COL23A1: variants seen among roughly 807,000 people sequenced by gnomAD.
COL23A1 encodes collagen alpha-1(XXIII) chain.
Under a neutral mutation model 99.3 loss-of-function variants are expected in COL23A1, and 97 were observed. The observed-to-expected ratio is 0.98, with a 90% CI of 0.83 to 1.16. COL23A1 has a LOEUF of 1.16. Ranked by LOEUF, COL23A1 falls within the 50% of genes most tolerant of loss-of-function variation. COL23A1 has a pLI of 0.00. For missense variants in COL23A1, 762 were observed against 757.4 expected, an observed-to-expected ratio of 1.01 and a Z score of -0.07; for synonymous variants, 320 against 308.2, an observed-to-expected ratio of 1.04 and a Z score of -0.40.
chr5:178,556,625 T>TTAAAATAAAATAAAATAAAATAAAA (rs374978162), intron 2 of COL23A1, among the ~76,000 whole-genome samples: 1,865 of 124,506 alleles, frequency 0.015, 58 homozygotes, highest in Admixed American at 0.042. Flanking sequence ...CTCTGTCAAA[T>TTAAAATAAAATAAAATAAAATAAAA]TAAAATAAAA....
chr5:178,555,358 T>C (rs1363321990), intron 2 of COL23A1, among the ~76,000 whole-genome samples: 1 of 152,162 alleles, frequency 6.6e-6, no homozygotes, highest in East Asian at 1.9e-4. Context: ...TCTGAGACTT[T>C]CGGGAAAGAA....
At position 178,415,791 on chromosome 5, in the gene COL23A1, C is replaced by T. The variant is rs539410748; in HGVS notation, c.362-108872G>A. On this transcript the variant is annotated intron_variant, in intron 2 of 28. Coordinates refer to ENST00000390654, the MANE Select transcript of COL23A1 (RefSeq NM_173465.4). This position sits in a 1 kb window ranked among gnomAD's most constrained non-coding sequence, Gnocchi z 4.6. ...AGCTCCCAGCCTAGCGGGAGGTAGA[C>T]AGGCAAACAAGAAAGACTGAAAACT... Among the ~76,000 whole-genome samples, 1 of 152,204 alleles carries T rather than the reference C, an allele frequency of 6.6e-6. No individual in the cohort carries two copies. Among genetic ancestry groups the T allele is most frequent in the East Asian group, 1.9e-4 (1 of 5,164 alleles).
intron 2 of COL23A1, among the ~76,000 whole-genome samples, chr5:178,406,471 C>T (rs1406663980): frequency 6.7e-6 from 1 of 148,192 alleles, no homozygotes; most frequent in Non-Finnish European, 1.5e-5. Context: ...GCTCTGTCAT[C>T]CAGGCTGGAG....
At chr5:178,565,646 T>G (rs1212619203) in intron 1 of COL23A1, among the ~76,000 whole-genome samples, 1 of 152,150 alleles carries the variant, frequency 6.6e-6, no homozygotes, top group Non-Finnish European at 1.5e-5. Context: ...ATCTTATCTA[T>G]TCCTCCTGAT....
At chr5:178,532,385 G>C (rs78239583) in intron 2 of COL23A1, among the ~76,000 whole-genome samples, 3 of 152,106 alleles carry the variant, frequency 2.0e-5, no homozygotes, top group Non-Finnish European at 4.4e-5. Context: ...AACTGTCCTC[G>C]GACCAAATGC....
chr5:178,271,607 C>T lies in COL23A1; in HGVS notation c.442-1244G>A, dbSNP rs560183252. 9.8e-5 allele frequency among the ~76,000 whole-genome samples: 15 copies of T among 152,318 alleles called. No individual in the cohort carries two copies. In the South Asian group the frequency reaches 3.1e-3, roughly 32 times the overall value. The stretch of plus-strand genomic sequence containing the variant: ...CTGTGCCTCTGGTATTGGATGGGGC[C>T]TGGCAGGCAGCATGTGCCCAGAAAA... On this transcript the variant is annotated intron_variant, in intron 5 of 28. Transcript: ENST00000390654.
At chr5:178,460,654 C>A (rs577778513) in intron 2 of COL23A1, among the ~76,000 whole-genome samples, 1 of 152,342 alleles carries the variant, frequency 6.6e-6, no homozygotes, top group African/African-American at 2.4e-5. Flanking sequence ...TGACAAGTAT[C>A]CCACCCTAGC....
intron 2 of COL23A1, among the ~76,000 whole-genome samples, chr5:178,397,353 G>A (rs748310008): frequency 6.6e-6 from 1 of 152,240 alleles, no homozygotes; most frequent in Non-Finnish European, 1.5e-5. Flanking sequence ...GGAGTGAGGC[G>A]GGGCAAGGAT....
At chr5:178,492,895 C>T (rs1292432098) in intron 2 of COL23A1, among the ~76,000 whole-genome samples, 1 of 152,076 alleles carries the variant, frequency 6.6e-6, no homozygotes, top group Admixed American at 6.6e-5. Flanking sequence ...GCCTCAGTTC[C>T]TTGTCCGTGA....
At chr5:178,560,899 A>C (rs1581639967) in intron 1 of COL23A1, 151 bp from the exon 2 acceptor site, 2 of 715,150 alleles carry the variant, frequency 2.8e-6, no homozygotes, top group Non-Finnish European at 4.6e-6. Flanking sequence ...AAAGATCCTT[A>C]AACTCTACAG....
intron 2 of COL23A1, among the ~76,000 whole-genome samples, chr5:178,452,836 C>A (rs1226126473): frequency 1.3e-5 from 2 of 152,154 alleles, no homozygotes; most frequent in Non-Finnish European, 2.9e-5. Context: ...TAAAATAGAA[C>A]CTTGATAATA....
intron 3 of COL23A1, among the ~76,000 whole-genome samples, chr5:178,305,306 G>A (rs1276032530): frequency 3.0e-5 from 2 of 66,082 alleles, no homozygotes; most frequent in East Asian, 4.5e-4. Flanking sequence ...TAAGGAACTC[G>A]ACACTGCAAA....
At chr5:178,485,150 T>C (rs142391287) in intron 2 of COL23A1, among the ~76,000 whole-genome samples, 1 of 152,290 alleles carries the variant, frequency 6.6e-6, no homozygotes, top group African/African-American at 2.4e-5. Flanking sequence ...TCCAACAATA[T>C]GAAATTGGTG....
Position 178,309,647 on chromosome 5 carries a change from C to T in COL23A1, c.362-2728G>A, listed in dbSNP as rs1235726815. Among the ~76,000 whole-genome samples the T allele has an allele frequency of 5.3e-5, 8 of 151,986 alleles. No individual in the cohort carries two copies. Among genetic ancestry groups the T allele is most frequent in the Non-Finnish European group, 8.8e-5 (6 of 68,000 alleles). ...CTCCCGACTTCCCACGCGCCCCCTG[C>T]CTCCCTTGTTACTTACCTGCAGGTC... On this transcript the variant is annotated intron_variant, in intron 2 of 28. Transcript: ENST00000390654. This position sits in a 1 kb window ranked among gnomAD's most constrained non-coding sequence, Gnocchi z 4.7.
intron 24 of COL23A1, 54 bp downstream of exon 24, chr5:178,246,200 C>A: frequency 1.3e-6 from 2 of 1,542,524 alleles, no homozygotes; most frequent in Non-Finnish European, 1.8e-6. Context: ...GGGCTGAGCG[C>A]CACCATGACC....
chr5:178,360,745 C>T (rs1370939830), intron 2 of COL23A1, among the ~76,000 whole-genome samples: 1 of 152,232 alleles, frequency 6.6e-6, no homozygotes, highest in Non-Finnish European at 1.5e-5. Context: ...GTGTTGTCCT[C>T]ATCCCACACG....
chr5:178,543,211 G>C (rs1285968075), intron 2 of COL23A1, among the ~76,000 whole-genome samples: 1 of 151,580 alleles, frequency 6.6e-6, no homozygotes, highest in East Asian at 1.9e-4. Flanking sequence ...AGGTTCAACC[G>C]ATTCTCCTGC....
intron 2 of COL23A1, among the ~76,000 whole-genome samples, chr5:178,333,090 TG>T (rs1760123199): frequency 6.6e-6 from 1 of 152,102 alleles, no homozygotes. Flanking sequence ...CCAGAGTAGC[TG>T]GGACTACAGG....
At chr5:178,441,606 A>T (rs954052142) in intron 2 of COL23A1, among the ~76,000 whole-genome samples, 1 of 152,142 alleles carries the variant, frequency 6.6e-6, no homozygotes, top group African/African-American at 2.4e-5. Flanking sequence ...GGGCTGCCTT[A>T]ATGGTTCTTA....
Sources: gnomAD v4.1 joint callset for allele counts (sites outside exome capture counted in the v4.1 genomes callset) on GRCh38, gnomAD v4.1.1 for gene constraint, Gnocchi (gnomAD v3.1) non-coding constraint, MANE v1.5 for transcripts, NCBI Gene and HGNC (gene_info 2026-07-23, HGNC 2026-07-21) for gene names.